TNRC6B: variants seen among roughly 807,000 people sequenced by gnomAD.
The protein encoded by TNRC6B is trinucleotide repeat containing adaptor 6B, also known as trinucleotide repeat-containing gene 6B protein.
In TNRC6B, 52 loss-of-function variants were observed where a neutral mutation model predicts 203.6. The ratio of observed to expected loss-of-function variants is 0.26; its 90% CI spans 0.20 to 0.32. TNRC6B has a LOEUF of 0.32. TNRC6B is among the 10% of genes least tolerant of loss of function. The probability of loss-of-function intolerance (pLI) is 1.00; values close to 1 mark genes in which losing one functional copy is unlikely to be tolerated. For synonymous variants in TNRC6B, 838 were observed against 845.7 expected (o/e 0.99, Z 0.16); for missense variants, 1,923 against 2,286.2 (o/e 0.84, Z 3.24).
At chr22:40,248,861 T>A (rs1316531861) in intron 2 of TNRC6B, among the ~76,000 whole-genome samples, 1 of 152,230 alleles carries the variant, frequency 6.6e-6, no homozygotes, top group Non-Finnish European at 1.5e-5. Context: ...TGGCCTTTGA[T>A]CTTGTTTTAT....
At chr22:40,105,580 C>T (rs1409693991) in intron 1 of TNRC6B, among the ~76,000 whole-genome samples, 1 of 152,116 alleles carries the variant, frequency 6.6e-6, no homozygotes, top group Non-Finnish European at 1.5e-5. Flanking sequence ...TGTGTCTCGT[C>T]CTTATGTTTG....
At chr22:40,256,803 T>C (rs1477525947) in intron 3 of TNRC6B, among the ~76,000 whole-genome samples, 2 of 152,186 alleles carry the variant, frequency 1.3e-5, no homozygotes, top group Non-Finnish European at 2.9e-5. Context: ...AAGCACTAGC[T>C]GGAGCACGTC....
intron 1 of TNRC6B, among the ~76,000 whole-genome samples, chr22:40,074,235 C>CAA (rs944802253): frequency 0.077 from 5,269 of 68,256 alleles, 357 homozygotes; most frequent in African/African-American, 0.19. Flanking sequence ...CGCTCTGTCT[C>CAA]AAAAAAAAAA....
At chr22:40,305,258 A>G (rs1373958228) in intron 15 of TNRC6B, among the ~76,000 whole-genome samples, 1 of 152,220 alleles carries the variant, frequency 6.6e-6, no homozygotes, top group Admixed American at 6.5e-5. Flanking sequence ...CTCAGCTCCT[A>G]ACACAGGGCC....
chr22:40,273,565 G>A lies in TNRC6B; in HGVS notation c.3106G>A (p.Ala1036Thr), dbSNP rs773611606. 2 of 1,587,504 alleles carry A rather than the reference G, an allele frequency of 1.3e-6. No individual in the cohort carries two copies. The highest frequency in any genetic ancestry group is 2.3e-5 in the South Asian group (2 of 87,052). The change falls in exon 7 of 23, where the codon GCA becomes ACA. Residue 1036 changes from alanine (A) to threonine (T), a missense_variant. Coordinates refer to ENST00000454349, the MANE Select transcript of TNRC6B (RefSeq NM_001162501.2). ...SQGSASSHNS[A>T]SWGQGGKKQM... ...GGGCAGTGCTTCCTCCCACAACTCA[G>A]CAAGCTGGGGACAAGGAGGAAAGAA...
At chr22:40,152,384 T>C (rs1035180816) in intron 3 of TNRC6B, among the ~76,000 whole-genome samples, 62 of 152,344 alleles carry the variant, frequency 4.1e-4, no homozygotes, top group African/African-American at 1.4e-3. Flanking sequence ...TGGAGTGCAG[T>C]GGCACGATCT....
chr22:40,269,116 TACA>T (rs1297618190), intron 5 of TNRC6B, among the ~76,000 whole-genome samples: 1 of 146,470 alleles, frequency 6.8e-6, no homozygotes, highest in Non-Finnish European at 1.5e-5. Flanking sequence ...TTGCTTCATA[TACA>T]GTATTTCTTT....
At position 40,279,780 on chromosome 22, in the gene TNRC6B, AAAAT is replaced by A. The variant is rs918215656; in HGVS notation, c.3263-199_3263-196del. Among the ~76,000 whole-genome samples, 66 of 152,310 alleles carry A rather than the reference AAAAT, an allele frequency of 4.3e-4. 2 individuals carry two copies. Among genetic ancestry groups the A allele is most frequent in the African/African-American group, 1.4e-3 (60 of 41,568 alleles). On this transcript the variant is annotated intron_variant, in intron 9 of 22. Transcript: ENST00000454349. ...AGATACATGTTTTGTTTTGTTTTTTAAAATAAATAAATAAATAAAAAGGACCCAT... is the reference window on the plus strand; with the variant it reads ...AGATACATGTTTTGTTTTGTTTTTTAAAATAAATAAATAAAAAGGACCCAT...
chr22:40,132,912 C>G (rs1340047599), intron 3 of TNRC6B, among the ~76,000 whole-genome samples: 3 of 129,852 alleles, frequency 2.3e-5, no homozygotes, highest in African/African-American at 5.5e-5. Flanking sequence ...CCACTGCACT[C>G]CAGCCTGGGG....
intron 1 of TNRC6B, among the ~76,000 whole-genome samples, chr22:40,210,381 C>A (rs1039597499): frequency 1.6e-4 from 24 of 152,158 alleles, no homozygotes; most frequent in African/African-American, 5.6e-4. Context: ...CTGAGCAAGC[C>A]TGGTAATGTT....
chr22:40,219,735 T>TC lies in TNRC6B; in HGVS notation c.6-26274dup, dbSNP rs1159780174. Reference sequence around the variant, plus strand: ...GGTCTCAGCATTGAGTTCTCAAATGTCCCCCCTTCCCTCACCTTATCCGAA... The same window carrying TC: ...GGTCTCAGCATTGAGTTCTCAAATGTCCCCCCCTTCCCTCACCTTATCCGAA... On this transcript the variant is annotated intron_variant, in intron 1 of 22. Coordinates refer to ENST00000454349, the MANE Select transcript of TNRC6B (RefSeq NM_001162501.2). Among the ~76,000 whole-genome samples, 3 of 152,172 alleles carry TC rather than the reference T, an allele frequency of 2.0e-5. No homozygotes were observed. The East Asian group carries it at 5.8e-4, about 29-fold the overall frequency.
chr22:40,137,890 A>G (rs1216738457), intron 3 of TNRC6B, among the ~76,000 whole-genome samples: 5 of 151,924 alleles, frequency 3.3e-5, no homozygotes, highest in African/African-American at 4.8e-5. Flanking sequence ...AGGCTGAGGC[A>G]GGAAAATCGC....
intron 1 of TNRC6B, among the ~76,000 whole-genome samples, chr22:40,051,889 T>TCTTTTTTCTAGTTAAGC (rs1223167643): frequency 1.3e-5 from 2 of 152,236 alleles, no homozygotes; most frequent in African/African-American, 2.4e-5. Flanking sequence ...TACTTTACAT[T>TCTTTTTTCTAGTTAAGC]CTTTTTTCTA....
intron 1 of TNRC6B, among the ~76,000 whole-genome samples, chr22:40,237,645 C>T (rs1434967382): frequency 6.6e-6 from 1 of 152,118 alleles, no homozygotes; most frequent in African/African-American, 2.4e-5. Context: ...TTCCCCCAAA[C>T]TCACACCCAG....
rs373070687 is a variant in TNRC6B, at chr22:40,056,789, C to T, written c.-121+11791C>T. Among the ~76,000 whole-genome samples, 11 of 138,770 alleles carry T rather than the reference C, an allele frequency of 7.9e-5. No individual in the cohort carries two copies. The South Asian group carries it at 1.9e-3, about 23-fold the overall frequency. The allele number at this position is 138,770 out of a possible 152,430, so 91.0% of individuals were successfully genotyped here. ...CTCCAGCCTGAGAGACAGAGTGACA[C>T]CCTGTCTCAAAAAAAAAAAAAAAAA... On this transcript the variant is annotated intron_variant, in intron 1 of 23. Coordinates refer to the TNRC6B transcript ENST00000301923.
intron 1 of TNRC6B, among the ~76,000 whole-genome samples, chr22:40,219,305 G>A (rs2069676963): frequency 6.6e-6 from 1 of 152,174 alleles, no homozygotes; most frequent in Non-Finnish European, 1.5e-5. Flanking sequence ...CTACACTGTG[G>A]AAAAGGAGAG....
At chr22:40,093,306 A>G (rs1235579485) in intron 1 of TNRC6B, among the ~76,000 whole-genome samples, 2 of 152,212 alleles carry the variant, frequency 1.3e-5, no homozygotes, top group Admixed American at 6.5e-5. Flanking sequence ...ATGTTAAAGA[A>G]AGGTTAAGAT....
intron 1 of TNRC6B, among the ~76,000 whole-genome samples, chr22:40,237,439 G>T (rs2069962821): frequency 6.6e-6 from 1 of 152,192 alleles, no homozygotes. Flanking sequence ...CCTCAGCCTG[G>T]TGCCTGGCAT....
chr22:40,167,323 T>G (rs745624258), intron 4 of TNRC6B, among the ~76,000 whole-genome samples: 11 of 152,182 alleles, frequency 7.2e-5, no homozygotes, highest in Non-Finnish European at 1.6e-4. Flanking sequence ...AAAGTTGGTA[T>G]GGAAGGACAG....
Sources: allele counts gnomAD v4.1 joint callset (sites outside exome capture counted in the v4.1 genomes callset), GRCh38; gene constraint gnomAD v4.1.1; transcripts MANE v1.5; gene names NCBI Gene and HGNC (gene_info 2026-07-23, HGNC 2026-07-21).